Variants in DPP10 observed in about 807,000 individuals in gnomAD.
DPP10 encodes dipeptidyl peptidase like 10.
In DPP10, 33 loss-of-function variants were observed where a neutral mutation model predicts 120.9. The ratio of observed to expected loss-of-function variants is 0.27; its 90% CI spans 0.21 to 0.37. The LOEUF (loss-of-function observed/expected upper bound fraction) is 0.37, where lower values mean the gene tolerates loss of function less well. Ranked by LOEUF, DPP10 falls within the 10% of genes least tolerant of loss-of-function variation. The probability of loss-of-function intolerance (pLI) is 1.00; values close to 1 mark genes in which losing one functional copy is unlikely to be tolerated. For synonymous variants in DPP10, 337 were observed against 326.1 expected (o/e 1.03, Z -0.36); for missense variants, 816 against 942.8 (o/e 0.87, Z 1.76).
At chr2:115,330,935 T>A (rs2062687734) in intron 2 of DPP10, among the ~76,000 whole-genome samples, 1 of 152,162 alleles carries the variant, frequency 6.6e-6, no homozygotes, top group African/African-American at 2.4e-5. Context: ...ATATGAACTT[T>A]AAGGTAGTTT....
chr2:115,348,933 C>G (rs1384333894), intron 3 of DPP10, among the ~76,000 whole-genome samples: 2 of 152,076 alleles, frequency 1.3e-5, no homozygotes, highest in African/African-American at 4.8e-5. Flanking sequence ...CCTACCTGCT[C>G]TGGACCAGTG....
At chr2:114,952,004 C>T (rs1697823283) in intron 1 of DPP10, among the ~76,000 whole-genome samples, 1 of 151,750 alleles carries the variant, frequency 6.6e-6, no homozygotes, top group African/African-American at 2.4e-5. Context: ...ATAATTATTA[C>T]ATAAGTACTA....
chr2:115,379,290 T>C (rs1574626812), intron 3 of DPP10, among the ~76,000 whole-genome samples: 1 of 152,220 alleles, frequency 6.6e-6, no homozygotes, highest in African/African-American at 2.4e-5. Context: ...GGAGAGTGTA[T>C]GTGTCGAGGA....
At chr2:115,744,897 G>A (rs1345656599) in intron 9 of DPP10, among the ~76,000 whole-genome samples, 1 of 149,944 alleles carries the variant, frequency 6.7e-6, no homozygotes, top group Non-Finnish European at 1.5e-5. Context: ...TATATCTCAT[G>A]TGGACTTCTT....
chr2:114,712,266 G>C (rs1248730416), intron 1 of DPP10, among the ~76,000 whole-genome samples: 1 of 152,162 alleles, frequency 6.6e-6, no homozygotes, highest in East Asian at 1.9e-4. Flanking sequence ...GTTGCAGTGA[G>C]CCGAGATCAT....
At chr2:114,879,511 G>A (rs1691433669) in intron 1 of DPP10, among the ~76,000 whole-genome samples, 1 of 152,108 alleles carries the variant, frequency 6.6e-6, no homozygotes, top group South Asian at 2.1e-4. Context: ...TTTGCAACGT[G>A]CCTTTTCTTT....
rs1007698636 is a variant in DPP10, at chr2:114,747,829, G to A, written c.60+304991G>A. On this transcript the variant is annotated intron_variant, in intron 1 of 25. Coordinates refer to ENST00000410059, the MANE Select transcript of DPP10 (RefSeq NM_020868.6). ...TGCACTTCTGTTCTAAATTTTCTAGGGAACTTTTTTTTCTCATGTAAACAC... is the reference window on the plus strand; with the variant it reads ...TGCACTTCTGTTCTAAATTTTCTAGAGAACTTTTTTTTCTCATGTAAACAC... 5.3e-5 allele frequency among the ~76,000 whole-genome samples: 8 copies of A among 152,038 alleles called. No homozygotes were observed. The East Asian group carries it at 7.7e-4, about 15-fold the overall frequency.
At chr2:115,502,475 C>T (rs2076729904) in intron 4 of DPP10, among the ~76,000 whole-genome samples, 1 of 152,082 alleles carries the variant, frequency 6.6e-6, no homozygotes, top group African/African-American at 2.4e-5. Context: ...CTATTTCAAA[C>T]AAAAGCTCAG....
At chr2:115,335,177 T>A (rs1193370454) in intron 2 of DPP10, among the ~76,000 whole-genome samples, 1 of 151,982 alleles carries the variant, frequency 6.6e-6, no homozygotes, top group South Asian at 2.1e-4. Flanking sequence ...TTCAGTACCA[T>A]GAGAACAGTG....
chr2:114,955,696 G>A (rs145678217), intron 1 of DPP10, among the ~76,000 whole-genome samples: 8 of 152,210 alleles, frequency 5.3e-5, no homozygotes, highest in African/African-American at 1.9e-4. Context: ...AACGTCCTCA[G>A]CAAAATATAG....
intron 5 of DPP10, among the ~76,000 whole-genome samples, chr2:115,550,877 G>A (rs2079830683): frequency 6.6e-6 from 1 of 152,158 alleles, no homozygotes; most frequent in Admixed American, 6.6e-5. Flanking sequence ...GAACTCCGTA[G>A]TAGTAATCTG....
intron 11 of DPP10, among the ~76,000 whole-genome samples, chr2:115,761,096 C>T (rs1250726263): frequency 1.1e-5 from 1 of 90,268 alleles, no homozygotes. Context: ...GACTTTGTCT[C>T]AAAAAAAAAA....
intron 1 of DPP10, among the ~76,000 whole-genome samples, chr2:114,769,943 G>A (rs1482790488): frequency 6.6e-6 from 1 of 152,152 alleles, no homozygotes; most frequent in African/African-American, 2.4e-5. Context: ...AAAGGTGTTT[G>A]CTGACTCCAC....
At chr2:115,560,401 A>AAAT (rs2080540585) in intron 5 of DPP10, among the ~76,000 whole-genome samples, 1 of 19,738 alleles carries the variant, frequency 5.1e-5, no homozygotes, top group Non-Finnish European at 8.5e-5. Context: ...AAAAAAAAAA[A>AAAT]AAATATATAT....
chr2:115,831,157 T>G (rs1208172148), intron 21 of DPP10, among the ~76,000 whole-genome samples: 1 of 152,250 alleles, frequency 6.6e-6, no homozygotes, highest in African/African-American at 2.4e-5. Flanking sequence ...TAAAATTCTT[T>G]ATTTCCAATT....
chr2:114,894,059 C>A (rs572766458), intron 1 of DPP10, among the ~76,000 whole-genome samples: 34 of 152,312 alleles, frequency 2.2e-4, no homozygotes, highest in African/African-American at 8.2e-4. Context: ...ACATATTTAA[C>A]AAGTTCCCAA....
Position 115,105,895 on chromosome 2 carries a change from C to T in DPP10, c.61-203344C>T, listed in dbSNP as rs140552060. Among the ~76,000 whole-genome samples the T allele has an allele frequency of 2.2e-3, 341 of 152,180 alleles. 1 individual carries two copies. The highest frequency in any genetic ancestry group is 7.7e-3 in the African/African-American group (319 of 41,526). ...TGAAAATCATGCAGGCAAAAGACTT[C>T]GAATAAACAAATGAAAGTTCTTAAA... On this transcript the variant is annotated intron_variant, in intron 1 of 25. Coordinates refer to ENST00000410059, the MANE Select transcript of DPP10 (RefSeq NM_020868.6).
At chr2:114,911,177 A>G (rs1455738392) in intron 1 of DPP10, among the ~76,000 whole-genome samples, 2 of 151,994 alleles carry the variant, frequency 1.3e-5, no homozygotes, top group Non-Finnish European at 2.9e-5. Flanking sequence ...TTATTGTTTG[A>G]TTCTTTTATG....
chr2:115,224,341 A>G (rs1485174649), intron 1 of DPP10, among the ~76,000 whole-genome samples: 1 of 152,210 alleles, frequency 6.6e-6, no homozygotes, highest in African/African-American at 2.4e-5. Flanking sequence ...TTTGCTCCTT[A>G]GAAATTGAAA....
Sources: gnomAD v4.1 joint callset for allele counts (sites outside exome capture counted in the v4.1 genomes callset) on GRCh38, gnomAD v4.1.1 for gene constraint, MANE v1.5 for transcripts, NCBI Gene and HGNC (gene_info 2026-07-23, HGNC 2026-07-21) for gene names.